The following SPICE1 variants were observed in gnomAD, a reference collection of about 807,000 sequenced individuals.
The protein encoded by SPICE1 is spindle and centriole associated protein 1.
In SPICE1, 75 loss-of-function variants were observed where a neutral mutation model predicts 102.7. The observed-to-expected ratio is 0.73, with a 90% confidence interval of 0.61 to 0.88. The LOEUF is 0.88. Ranked by LOEUF, SPICE1 falls within the 40% of genes least tolerant of loss-of-function variation. The pLI is 0.00. For missense variants in SPICE1, 979 were observed against 1,020.1 expected (o/e 0.96, Z 0.55); for synonymous variants, 308 against 350.3 (o/e 0.88, Z 1.35).
At chr3:113,496,640 A>G (rs1339587468) in intron 4 of SPICE1, among the ~76,000 whole-genome samples, 1 of 152,218 alleles carries the variant, frequency 6.6e-6, no homozygotes, top group Non-Finnish European at 1.5e-5. Flanking sequence ...ATCTAAGATT[A>G]TGCTGGCCAA....
chr3:113,459,616 G>C (rs1268848868), intron 12 of SPICE1: 3 of 984,690 alleles, frequency 3.0e-6, no homozygotes, highest in Non-Finnish European at 3.6e-6. Flanking sequence ...AGGTGCGGTG[G>C]CTCACGCCTG....
intron 17 of SPICE1, 93 bp downstream of exon 17, chr3:113,446,496 A>G: frequency 1.1e-6 from 1 of 930,136 alleles, no homozygotes; most frequent in Non-Finnish European, 1.7e-6. Context: ...GCTTTAGGAT[A>G]ACAGGAATGA....
At position 113,494,153 on chromosome 3, in the gene SPICE1, G is replaced by A; in HGVS notation, c.292-11C>T. On this transcript the variant is annotated splice_polypyrimidine_tract_variant and intron_variant, in intron 4 of 17. Coordinates refer to ENST00000295872, the MANE Select transcript of SPICE1 (RefSeq NM_144718.4). ...TTGATCAGAAAGAATCTAGACATGT[G>A]TTAATGACAAATATTATTATTCAGA... 3 of 1,526,952 alleles carry A rather than the reference G, an allele frequency of 2.0e-6. No individual in the cohort carries two copies. Among genetic ancestry groups the A allele is most frequent in the Non-Finnish European group, 2.7e-6 (3 of 1,113,406 alleles). The allele number at this position is 1,526,952 out of a possible 1,614,324, so 94.6% of individuals were successfully genotyped here. A position where few individuals can be genotyped will look rare whatever the true frequency, so the allele number is the denominator to read the frequency against.
intron 7 of SPICE1, among the ~76,000 whole-genome samples, chr3:113,481,497 T>C (rs567760962): frequency 5.3e-4 from 80 of 152,038 alleles, no homozygotes; most frequent in African/African-American, 1.7e-3. Context: ...ACACGTCCCA[T>C]AGTGGTTTGC....
At position 113,444,067 on chromosome 3, in the gene SPICE1, G is replaced by T. The variant is rs567250366; in HGVS notation, c.*1240C>A. Reference sequence around the variant, plus strand: ...GAAGTCATATGTTATCAAAATATATGAGTCTAAACACAAGTAATCTCAGTT... The same window carrying T: ...GAAGTCATATGTTATCAAAATATATTAGTCTAAACACAAGTAATCTCAGTT... On this transcript the variant is annotated 3_prime_UTR_variant, in exon 18 of 18. Coordinates refer to ENST00000295872, the MANE Select transcript of SPICE1 (RefSeq NM_144718.4). The T allele has an allele frequency of 1.3e-5, 2 of 152,164 alleles. No individual in the cohort carries two copies. 9.4% of individuals were successfully genotyped at this position (152,164 alleles called of 1,614,324 possible).
At chr3:113,494,174 T>G in intron 4 of SPICE1, 32 bp from the exon 5 acceptor site, 1 of 1,408,972 alleles carries the variant, frequency 7.1e-7, no homozygotes, top group Non-Finnish European at 9.9e-7. Context: ...ATATTATTAT[T>G]CAGATTATAT....
chr3:113,466,884 A>G (rs1398934925), intron 10 of SPICE1, among the ~76,000 whole-genome samples: 1 of 151,858 alleles, frequency 6.6e-6, no homozygotes. Context: ...CTGTCTCTAC[A>G]AAAAAAATAC....
At chr3:113,491,310 T>C (rs939466200) in intron 6 of SPICE1, among the ~76,000 whole-genome samples, 3 of 152,308 alleles carry the variant, frequency 2.0e-5, no homozygotes, top group Middle Eastern at 3.4e-3. Flanking sequence ...AATTCATTTT[T>C]TCTTGGTGAC....
chr3:113,451,777 C>T (rs1478565482), intron 14 of SPICE1, among the ~76,000 whole-genome samples: 1 of 152,146 alleles, frequency 6.6e-6, no homozygotes, highest in Non-Finnish European at 1.5e-5. Flanking sequence ...TAGCAATATT[C>T]CTTTCTGGCT....
intron 14 of SPICE1, among the ~76,000 whole-genome samples, chr3:113,452,273 G>A (rs1489305049): frequency 6.6e-6 from 1 of 152,158 alleles, no homozygotes; most frequent in Non-Finnish European, 1.5e-5. Context: ...CATCACTTGG[G>A]AACTTATTAG....
chr3:113,485,698 C>A (rs767670399), intron 7 of SPICE1, among the ~76,000 whole-genome samples: 2 of 152,154 alleles, frequency 1.3e-5, no homozygotes, highest in Non-Finnish European at 2.9e-5. Context: ...AAGAAAGCAG[C>A]GGACCTTTTA....
At chr3:113,494,916 G>A (rs1462999138) in intron 4 of SPICE1, among the ~76,000 whole-genome samples, 1 of 152,122 alleles carries the variant, frequency 6.6e-6, no homozygotes, top group East Asian at 1.9e-4. Context: ...AAACTTAGAG[G>A]TGTTTCAACC....
intron 7 of SPICE1, among the ~76,000 whole-genome samples, chr3:113,481,649 T>A (rs564340676): frequency 1.2e-4 from 18 of 152,146 alleles, no homozygotes; most frequent in African/African-American, 3.4e-4. Flanking sequence ...CTCCCACTTA[T>A]GAGTAAGAAC....
chr3:113,513,002 G>A (rs1937250082), intron 1 of SPICE1, among the ~76,000 whole-genome samples: 2 of 152,072 alleles, frequency 1.3e-5, no homozygotes. Context: ...GATCACAAAG[G>A]GGCAGTTCAC....
chr3:113,457,487 T>TAGAAAG, intron 12 of SPICE1, 130 bp from the exon 13 acceptor site: 1 of 872,790 alleles, frequency 1.1e-6, no homozygotes, highest in Non-Finnish European at 1.7e-6. Flanking sequence ...TCCTGGAGCC[T>TAGAAAG]TCACTTTCTA....
At position 113,459,740 on chromosome 3, in the gene SPICE1, G is replaced by C. The variant is rs981461360; in HGVS notation, c.1435+877C>G. 4 of 712,896 alleles carry C rather than the reference G, an allele frequency of 5.6e-6. No homozygotes were observed. The Admixed American group carries it at 2.5e-4, about 45-fold the overall frequency. 44.2% of individuals were successfully genotyped at this position (712,896 alleles called of 1,614,324 possible). On this transcript the variant is annotated intron_variant, in intron 12 of 17. Coordinates refer to ENST00000295872, the MANE Select transcript of SPICE1 (RefSeq NM_144718.4). ...CTACTAAAAACACAAAAATCAGCCA[G>C]GTGTGGTGGCAGGCGCCTATAATCC...
At chr3:113,484,184 A>G (rs1462076705) in intron 7 of SPICE1, among the ~76,000 whole-genome samples, 1 of 152,188 alleles carries the variant, frequency 6.6e-6, no homozygotes, top group South Asian at 2.1e-4. Flanking sequence ...AGGTGTTTAT[A>G]GTATTCTGAT....
chr3:113,452,472 T>C (rs1347810568), intron 14 of SPICE1, among the ~76,000 whole-genome samples: 1 of 146,270 alleles, frequency 6.8e-6, no homozygotes, highest in African/African-American at 2.6e-5. Flanking sequence ...TCACTTGTGG[T>C]CAGGAGTTCG....
chr3:113,454,704 G>A (rs1935740590), intron 13 of SPICE1, among the ~76,000 whole-genome samples: 2 of 150,918 alleles, frequency 1.3e-5, no homozygotes, highest in South Asian at 2.1e-4. Context: ...TGACAAGAGC[G>A]AAACTCCATC....
Sources: allele counts gnomAD v4.1 joint callset (sites outside exome capture counted in the v4.1 genomes callset), GRCh38; gene constraint gnomAD v4.1.1; transcripts MANE v1.5; gene names NCBI Gene and HGNC (gene_info 2026-07-23, HGNC 2026-07-21).